MDFI: variants seen among roughly 807,000 people sequenced by gnomAD.
MDFI encodes MyoD family inhibitor, also known as inhibitor of MyoD family a.
MDFI carries 16 observed loss-of-function variants against 22.3 expected under a neutral mutation model. That is an observed-to-expected ratio of 0.72 (90% confidence interval 0.49 to 1.09). MDFI has a LOEUF of 1.09. Among genes scored for constraint, MDFI ranks in the 50% least tolerant of loss-of-function variants. The pLI, the probability that MDFI is intolerant of heterozygous loss-of-function variation, is 0.00. For synonymous variants in MDFI, 145 were observed against 142.7 expected (o/e 1.02, Z -0.12); for missense variants, 314 against 326.1 (o/e 0.96, Z 0.29).
intron 2 of MDFI, among the ~76,000 whole-genome samples, chr6:41,642,482 A>G (rs1444405945): frequency 6.6e-6 from 1 of 151,930 alleles, no homozygotes; most frequent in Non-Finnish European, 1.5e-5. Context: ...CCTCTGCCCC[A>G]TCTGTTCCAA....
chr6:41,653,810 T>C lies in MDFI; in HGVS notation c.*235T>C, dbSNP rs1487682271. The C allele has an allele frequency of 1.7e-6, 1 of 592,090 alleles. No individual in the cohort carries two copies. The highest frequency in any genetic ancestry group is 1.9e-5 in the African/African-American group (1 of 53,624). The allele number at this position is 592,090 out of a possible 1,614,324, so 36.7% of individuals were successfully genotyped here. ...CCATGGCAGAGAAGCCTGAACTCTT[T>C]ACTGGGTTACCAGGTTCATACATTG... On this transcript the variant is annotated 3_prime_UTR_variant, in exon 5 of 5. Transcript: ENST00000230321. This position sits in a 1 kb window ranked among gnomAD's most constrained non-coding sequence, Gnocchi z 4.2.
At chr6:41,643,640 AACT>A (rs1206815623) in intron 2 of MDFI, among the ~76,000 whole-genome samples, 2 of 146,770 alleles carry the variant, frequency 1.4e-5, no homozygotes, top group South Asian at 4.5e-4. Flanking sequence ...TCAGAAGCCA[AACT>A]ACTCATTAAA....
intron 2 of MDFI, among the ~76,000 whole-genome samples, chr6:41,645,118 C>A (rs894278586): frequency 2.0e-5 from 3 of 152,158 alleles, no homozygotes; most frequent in African/African-American, 7.2e-5. Context: ...CCTCTTTAGA[C>A]CCCTGTCCTT....
intron 2 of MDFI, among the ~76,000 whole-genome samples, chr6:41,643,147 C>T (rs1036290491): frequency 6.6e-6 from 1 of 152,202 alleles, no homozygotes; most frequent in Non-Finnish European, 1.5e-5. Context: ...AGCCTCAACA[C>T]CACCCCGCAG....
At chr6:41,637,525 T>C (rs1767682770), upstream of MDFI, among the ~76,000 whole-genome samples, 1 of 151,568 alleles carries the variant, frequency 6.6e-6, no homozygotes, top group Non-Finnish European at 1.5e-5. This position sits in a 1 kb window ranked among gnomAD's most constrained non-coding sequence, Gnocchi z 6.8. Flanking sequence ...CTGAGCATCA[T>C]CCCACGGGCC....
rs767660476 is a variant in MDFI, at chr6:41,653,214, G to A, written c.485-105G>A. ...TTCAGGCACACAGTGAACACTCAGC[G>A]TCCCTGCTGCTGCCGCTGCCGCAGG... On this transcript the variant is annotated intron_variant, in intron 4 of 4. Coordinates refer to ENST00000230321, the MANE Select transcript of MDFI (RefSeq NM_005586.4). This position sits in a 1 kb window ranked among gnomAD's most constrained non-coding sequence, Gnocchi z 4.2. The A allele has an allele frequency of 3.2e-5, 38 of 1,178,676 alleles. No homozygotes were observed. Among genetic ancestry groups the A allele is most frequent in the South Asian group, 1.2e-4 (9 of 73,608 alleles). 73.0% of individuals were successfully genotyped at this position (1,178,676 alleles called of 1,614,324 possible). A position where few individuals can be genotyped will look rare whatever the true frequency, so the allele number is the denominator to read the frequency against.
chr6:41,641,658 C>T lies in MDFI; in HGVS notation c.76+2833C>T, dbSNP rs75479125. On this transcript the variant is annotated intron_variant, in intron 2 of 4. Coordinates refer to ENST00000230321, the MANE Select transcript of MDFI (RefSeq NM_005586.4). Reference sequence around the variant, plus strand: ...GGTTCTGGCCTTCCCTCTCCAGAGACGGTCAGAGTTCCAAGTGGGAAGCCC... The same window carrying T: ...GGTTCTGGCCTTCCCTCTCCAGAGATGGTCAGAGTTCCAAGTGGGAAGCCC... 9.5e-3 allele frequency among the ~76,000 whole-genome samples: 1,442 copies of T among 152,280 alleles called. 21 individuals are homozygous for T. Among genetic ancestry groups the T allele is most frequent in the African/African-American group, 0.031 (1,294 of 41,562 alleles).
chr6:41,639,225 A>G (rs1273211424), intron 2 of MDFI: 1 of 984,566 alleles, frequency 1.0e-6, no homozygotes. Context: ...ATCTTTCTCT[A>G]CTTCCCTTCC....
At position 41,638,484 on chromosome 6, in the gene MDFI, C is replaced by A; in HGVS notation, c.-180C>A. On this transcript the variant is annotated 5_prime_UTR_variant, in exon 1 of 5. Coordinates refer to ENST00000230321, the MANE Select transcript of MDFI (RefSeq NM_005586.4). The surrounding 1 kb of genome is among the most constrained non-coding windows in gnomAD (Gnocchi z 7.6). Reference sequence around the variant, plus strand: ...AGAGAAGGAAGAAGGAAGGGGCGAACGGCGTGAGCTGGCGCCGAAATGGGA... The same window carrying A: ...AGAGAAGGAAGAAGGAAGGGGCGAAAGGCGTGAGCTGGCGCCGAAATGGGA... 4.0e-6 allele frequency: 2 copies of A among 505,600 alleles called. No homozygotes were observed. The highest frequency in any genetic ancestry group is 7.5e-5 in the East Asian group (2 of 26,602). The allele number at this position is 505,600 out of a possible 1,614,324, so 31.3% of individuals were successfully genotyped here.
chr6:41,638,105 T>C (rs1156328996), upstream of MDFI: 1 of 152,046 alleles, frequency 6.6e-6, no homozygotes, highest in African/African-American at 2.4e-5. This position sits in a 1 kb window ranked among gnomAD's most constrained non-coding sequence, Gnocchi z 7.6. Flanking sequence ...TTCCACGAAG[T>C]GGTTGAGGTT....
chr6:41,653,179 A>G lies in MDFI; in HGVS notation c.485-140A>G. On this transcript the variant is annotated intron_variant, in intron 4 of 4. Coordinates refer to ENST00000230321, the MANE Select transcript of MDFI (RefSeq NM_005586.4). This position sits in a 1 kb window ranked among gnomAD's most constrained non-coding sequence, Gnocchi z 4.2. ...CTAGAAAATGGAGCTGTGGGGACGG[A>G]TTCGTGAGCTTCAGGCACACAGTGA... The G allele has an allele frequency of 2.4e-6, 2 of 846,984 alleles. No individual in the cohort carries two copies. Among genetic ancestry groups the G allele is most frequent in the Non-Finnish European group, 3.8e-6 (2 of 531,526 alleles). The allele number at this position is 846,984 out of a possible 1,614,324, so 52.5% of individuals were successfully genotyped here.
rs1340083305 is a variant in MDFI at position 41,653,638 on chromosome 6, G to GGGGCCA, written c.*66_*71dup. ...AGATTCCAGCAGGGTCCCTCTGAGT[G>GGGGCCA]GGGCCAGGCCCAGGACTGTCACACA... is the stretch of plus-strand genomic sequence containing the variant. On this transcript the variant is annotated 3_prime_UTR_variant, in exon 5 of 5. Coordinates refer to ENST00000230321, the MANE Select transcript of MDFI (RefSeq NM_005586.4). This position sits in a 1 kb window ranked among gnomAD's most constrained non-coding sequence, Gnocchi z 4.2. 1.9e-6 allele frequency: 3 copies of GGGGCCA among 1,583,416 alleles called. No individual in the cohort carries two copies. The African/African-American group carries it at 4.0e-5, about 21-fold the overall frequency.
intron 2 of MDFI, among the ~76,000 whole-genome samples, chr6:41,645,509 C>T (rs959912217): frequency 6.6e-6 from 1 of 152,110 alleles, no homozygotes; most frequent in African/African-American, 2.4e-5. Flanking sequence ...TATCATCATC[C>T]TCTCTGACCC....
In MDFI at chr6:41,653,221, C is replaced by T. The variant is rs983360538; in HGVS notation, c.485-98C>T. 5.6e-6 allele frequency: 7 copies of T among 1,256,348 alleles called. No individual in the cohort carries two copies. The highest frequency in any genetic ancestry group is 2.6e-5 in the South Asian group (2 of 75,560). 77.8% of individuals were successfully genotyped at this position (1,256,348 alleles called of 1,614,324 possible). A position where few individuals can be genotyped will look rare whatever the true frequency, so the allele number is the denominator to read the frequency against. On this transcript the variant is annotated intron_variant, in intron 4 of 4. Transcript: ENST00000230321. The surrounding 1 kb of genome is among the most constrained non-coding windows in gnomAD (Gnocchi z 4.2). ...ACACAGTGAACACTCAGCGTCCCTG[C>T]TGCTGCCGCTGCCGCAGGCCCCCAC...
rs1432958187 is a variant in MDFI, at chr6:41,653,936, G to C, written c.*361G>C. ...TGTGAAAGTTACTTGGGGAGGGTGG[G>C]CCGGTGGGGCCGTAGCTCTCTACCT... On this transcript the variant is annotated 3_prime_UTR_variant, in exon 5 of 5. Coordinates refer to ENST00000230321, the MANE Select transcript of MDFI (RefSeq NM_005586.4). The surrounding 1 kb of genome is among the most constrained non-coding windows in gnomAD (Gnocchi z 4.2). 9 of 314,992 alleles carry C rather than the reference G, an allele frequency of 2.9e-5. No homozygotes were observed. The highest frequency in any genetic ancestry group is 5.4e-5 in the Non-Finnish European group (9 of 167,638). 19.5% of individuals were successfully genotyped at this position (314,992 alleles called of 1,614,324 possible).
intron 4 of MDFI, among the ~76,000 whole-genome samples, chr6:41,651,718 C>T (rs1038972637): frequency 6.6e-6 from 1 of 152,136 alleles, no homozygotes; most frequent in East Asian, 1.9e-4. Context: ...TTAGACCCTC[C>T]ACAGCACAGT....
chr6:41,640,552 A>C (rs1260060782), intron 2 of MDFI, among the ~76,000 whole-genome samples: 3 of 152,210 alleles, frequency 2.0e-5, no homozygotes, highest in Admixed American at 6.5e-5. Context: ...CCTGCTGCCC[A>C]GGAAGCCCAA....
At chr6:41,639,226 C>T in intron 2 of MDFI, 2 of 985,316 alleles carry the variant, frequency 2.0e-6, no homozygotes, top group Non-Finnish European at 2.4e-6. Flanking sequence ...TCTTTCTCTA[C>T]TTCCCTTCCC....
At chr6:41,640,114 T>C (rs2268413) in intron 2 of MDFI, among the ~76,000 whole-genome samples, 77,370 of 152,066 alleles carry the variant, frequency 0.51, 20,451 homozygotes, top group East Asian at 0.72. Context: ...CCTCCAAGAA[T>C]TGGACTCCTT....
Sources: allele counts gnomAD v4.1 joint callset (sites outside exome capture counted in the v4.1 genomes callset), GRCh38; gene constraint gnomAD v4.1.1; non-coding constraint Gnocchi (gnomAD v3.1); transcripts MANE v1.5; gene names NCBI Gene and HGNC (gene_info 2026-07-23, HGNC 2026-07-21).